Variants in LMBR1 observed in about 807,000 individuals in gnomAD.
LMBR1 encodes the protein limb region 1 protein homolog.
In LMBR1, 52 loss-of-function variants were observed where a neutral mutation model predicts 73.9. The observed-to-expected ratio is 0.70, with a 90% confidence interval of 0.56 to 0.89. LMBR1 has a LOEUF of 0.89. Ranked by LOEUF, LMBR1 falls within the 40% of genes least tolerant of loss-of-function variation. The pLI, the probability that LMBR1 is intolerant of heterozygous loss-of-function variation, is 0.00. For missense variants in LMBR1, 539 were observed against 579.8 expected (o/e 0.93, Z 0.72); for synonymous variants, 215 against 209.4 (o/e 1.03, Z -0.23).
intron 9 of LMBR1, among the ~76,000 whole-genome samples, chr7:156,752,924 C>T (rs1293170848): frequency 7.0e-6 from 1 of 142,860 alleles, no homozygotes; most frequent in Non-Finnish European, 1.5e-5. Flanking sequence ...TAACAACAGT[C>T]CAGGAATGTA....
chr7:156,799,777 T>C (rs890319409), intron 4 of LMBR1, among the ~76,000 whole-genome samples: 1 of 152,126 alleles, frequency 6.6e-6, no homozygotes, highest in East Asian at 1.9e-4. Context: ...AGCCAAGTTG[T>C]GAATGCAAAG....
intron 1 of LMBR1, among the ~76,000 whole-genome samples, chr7:156,870,991 G>A (rs1799199862): frequency 6.6e-6 from 1 of 151,520 alleles, no homozygotes; most frequent in African/African-American, 2.4e-5. Context: ...ATAAAAAATA[G>A]AAAAATAGGG....
At chr7:156,756,804 A>AT (rs1821970910) in intron 8 of LMBR1, among the ~76,000 whole-genome samples, 1 of 151,922 alleles carries the variant, frequency 6.6e-6, no homozygotes, top group South Asian at 2.1e-4. Flanking sequence ...ACATGTATGA[A>AT]TTTTTTTATT....
chr7:156,877,985 T>C (rs928508187), intron 1 of LMBR1, among the ~76,000 whole-genome samples: 1 of 152,024 alleles, frequency 6.6e-6, no homozygotes, highest in Non-Finnish European at 1.5e-5. Context: ...AGAAAAAGCA[T>C]TTAACAAAAT....
At chr7:156,824,979 T>A (rs1316774043) in intron 4 of LMBR1, among the ~76,000 whole-genome samples, 1 of 152,172 alleles carries the variant, frequency 6.6e-6, no homozygotes, top group Non-Finnish European at 1.5e-5. Context: ...GAAAGCATAC[T>A]TAGCTGTAAC....
At chr7:156,800,100 G>T (rs1466132979) in intron 4 of LMBR1, among the ~76,000 whole-genome samples, 1 of 152,232 alleles carries the variant, frequency 6.6e-6, no homozygotes, top group African/African-American at 2.4e-5. Context: ...AGAAGCTGTA[G>T]CAAGTTCTCC....
chr7:156,725,575 G>A (rs746203192), intron 13 of LMBR1, 50 bp from the exon 14 acceptor site: 3 of 1,386,932 alleles, frequency 2.2e-6, no homozygotes, highest in Non-Finnish European at 3.0e-6. Context: ...AGTTTCCTAA[G>A]TTCTCGGCAG....
intron 4 of LMBR1, among the ~76,000 whole-genome samples, chr7:156,801,244 C>T (rs1305887601): frequency 6.6e-6 from 1 of 152,126 alleles, no homozygotes; most frequent in Non-Finnish European, 1.5e-5. Context: ...AAGAAATTGC[C>T]ACGGTCACGC....
chr7:156,671,504 T>C (rs1396068989), intron 4 of LMBR1, among the ~76,000 whole-genome samples: 1 of 152,210 alleles, frequency 6.6e-6, no homozygotes, highest in African/African-American at 2.4e-5. Flanking sequence ...TCTTTCAAAG[T>C]ACAAATATAT....
intron 8 of LMBR1, among the ~76,000 whole-genome samples, chr7:156,757,853 C>G (rs1585594706): frequency 6.6e-6 from 1 of 152,158 alleles, no homozygotes; most frequent in South Asian, 2.1e-4. Context: ...TCTTTACGGT[C>G]CCCTATGACC....
At chr7:156,727,866 TACTC>T in intron 12 of LMBR1, 60 bp downstream of exon 12, 1 of 1,087,122 alleles carries the variant, frequency 9.2e-7, no homozygotes, top group Non-Finnish European at 1.4e-6. Context: ...TTACTTGAAA[TACTC>T]AGGGTATAGA....
intron 8 of LMBR1, among the ~76,000 whole-genome samples, chr7:156,757,051 G>A (rs1449933273): frequency 6.6e-6 from 1 of 152,090 alleles, no homozygotes; most frequent in Non-Finnish European, 1.5e-5. Context: ...CCTGACCTCA[G>A]GTGATCCGCC....
In LMBR1 at chr7:156,831,132, GCAAAA is replaced by G. The variant is rs1836599359; in HGVS notation, c.179+2616_179+2620del. Reference sequence around the variant, plus strand: ...GTTGAGACTTAGGGAAAAACACAAAGCAAAACAAAACTAAATAAGGTGAGAGTTAA... The same window carrying G: ...GTTGAGACTTAGGGAAAAACACAAAGCAAAACTAAATAAGGTGAGAGTTAA... On this transcript the variant is annotated intron_variant, in intron 3 of 16. Transcript: ENST00000353442. Among the ~76,000 whole-genome samples, 3 of 152,066 alleles carry G rather than the reference GCAAAA, an allele frequency of 2.0e-5. No individual in the cohort carries two copies. The South Asian group carries it at 6.2e-4, about 32-fold the overall frequency.
At chr7:156,786,121 G>A (rs1007738965) in intron 5 of LMBR1, among the ~76,000 whole-genome samples, 4 of 150,918 alleles carry the variant, frequency 2.7e-5, no homozygotes, top group Non-Finnish European at 5.9e-5. Flanking sequence ...GAAGGAGGGA[G>A]GCTGTGAAGG....
intron 15 of LMBR1, among the ~76,000 whole-genome samples, chr7:156,695,967 T>C (rs1808200482): frequency 1.3e-5 from 2 of 151,216 alleles, no homozygotes; most frequent in African/African-American, 4.9e-5. Flanking sequence ...GGAAAATGAA[T>C]AAACTTTTCA....
At position 156,796,422 on chromosome 7, in the gene LMBR1, A is replaced by G. The variant is rs190503789; in HGVS notation, c.390T>C (p.Phe130=). Residue 130 remains phenylalanine, a synonymous_variant, in exon 5 of 17, where the codon TTT becomes TTC. Transcript: ENST00000353442. Reference sequence around the variant, plus strand: ...GGCCAGCAAAGCCTTCTGATTCCAGAAAGAAAAAGGCAAAGGGCATCAATA... The same window carrying G: ...GGCCAGCAAAGCCTTCTGATTCCAGGAAGAAAAAGGCAAAGGGCATCAATA... The part of the protein sequence containing the change: ...LFVLMPFAFF[F]LESEGFAGLK... The G allele has an allele frequency of 6.2e-7, 1 of 1,609,238 alleles. No homozygotes were observed. The highest frequency in any genetic ancestry group is 1.3e-5 in the African/African-American group (1 of 74,954).
chr7:156,724,286 T>C, intron 14 of LMBR1, 108 bp from the exon 15 acceptor site: 1 of 770,260 alleles, frequency 1.3e-6, no homozygotes, highest in South Asian at 1.8e-5. Context: ...CTAGTGTACT[T>C]TGCCGATTTC....
intron 4 of LMBR1, among the ~76,000 whole-genome samples, chr7:156,671,707 T>A (rs1563096984): frequency 6.6e-6 from 1 of 152,178 alleles, no homozygotes; most frequent in African/African-American, 2.4e-5. Flanking sequence ...CCCCAACAGT[T>A]AGTTTTTCAG....
intron 2 of LMBR1, 124 bp downstream of exon 2, chr7:156,836,689 G>A: frequency 1.8e-6 from 1 of 569,768 alleles, no homozygotes; most frequent in African/African-American, 1.9e-5. Flanking sequence ...CCAGACAACT[G>A]CTTACTTCAA....
Sources: gnomAD v4.1 joint callset for allele counts (sites outside exome capture counted in the v4.1 genomes callset) on GRCh38, gnomAD v4.1.1 for gene constraint, MANE v1.5 for transcripts, NCBI Gene and HGNC (gene_info 2026-07-23, HGNC 2026-07-21) for gene names.